Variants in PON3 observed in about 807,000 individuals in gnomAD.
PON3 encodes the protein serum paraoxonase/lactonase 3.
Under a neutral mutation model 36.3 loss-of-function variants are expected in PON3, and 37 were observed. That is an observed-to-expected ratio of 1.02 (90% confidence interval 0.78 to 1.34). The LOEUF is 1.34. Ranked by LOEUF, PON3 falls within the 40% of genes most tolerant of loss-of-function variation. The probability of loss-of-function intolerance (pLI) is 0.00; values close to 1 mark genes in which losing one functional copy is unlikely to be tolerated. For missense variants in PON3, 415 were observed against 426.5 expected, an observed-to-expected ratio of 0.97 and a Z score of 0.24; for synonymous variants, 155 against 154.8, an observed-to-expected ratio of 1.00 and a Z score of -0.01.
At position 95,389,405 on chromosome 7, in the gene PON3, TAG is replaced by T. The variant is rs542729930; in HGVS notation, c.201+747_201+748del. 5.9e-5 allele frequency among the ~76,000 whole-genome samples: 9 copies of T among 152,328 alleles called. No individual in the cohort carries two copies. The South Asian group carries it at 1.9e-3, about 32-fold the overall frequency. ...TATTTTATTGCCCCAAATGGAATAT[TAG>T]ACATCCAATTCCAGCAATCAGAATT... On this transcript the variant is annotated intron_variant, in intron 3 of 8. Transcript: ENST00000265627.
chr7:95,395,465 TGGGAGCAA>T (rs1809408372), intron 1 of PON3, among the ~76,000 whole-genome samples: 1 of 152,204 alleles, frequency 6.6e-6, no homozygotes, highest in Non-Finnish European at 1.5e-5. Context: ...GTGGTTGCAC[TGGGAGCAA>T]ATGTAACAAT....
At chr7:95,376,652 A>AT (rs1808919134) in intron 3 of PON3, among the ~76,000 whole-genome samples, 1 of 152,296 alleles carries the variant, frequency 6.6e-6, no homozygotes, top group African/African-American at 2.4e-5. Flanking sequence ...TTAAAAAAAA[A>AT]AAAGAAAACA....
At position 95,367,590 on chromosome 7, in the gene PON3, A is replaced by G. The variant is rs556328217; in HGVS notation, c.368-102T>C. The G allele has an allele frequency of 3.8e-6, 5 of 1,303,828 alleles. 1 individual carries two copies. The African/African-American group carries it at 7.3e-5, about 19-fold the overall frequency. 80.8% of individuals were successfully genotyped at this position (1,303,828 alleles called of 1,614,324 possible). ...TCACTTCCAAAAGTTTTCTTCTTAC[A>G]TCTTGCATTTTACCCTCACAGTCTA... On this transcript the variant is annotated intron_variant, in intron 4 of 8. Transcript: ENST00000265627.
chr7:95,372,786 G>A (rs1808837927), intron 3 of PON3, among the ~76,000 whole-genome samples: 1 of 152,104 alleles, frequency 6.6e-6, no homozygotes, highest in African/African-American at 2.4e-5. Flanking sequence ...TAATTGTATT[G>A]TTCCCATTCC....
At position 95,375,668 on chromosome 7, in the gene PON3, G is replaced by T. The variant is rs17885651; in HGVS notation, c.202-3330C>A. On this transcript the variant is annotated intron_variant, in intron 3 of 8. Transcript: ENST00000265627. The stretch of plus-strand genomic sequence containing the variant: ...CAGAAATAAAATAATCTGATAGATA[G>T]ATAAGGGCAGGGCACTGCAAACAAG... Among the ~76,000 whole-genome samples, 228 of 152,348 alleles carry T rather than the reference G, an allele frequency of 1.5e-3. 1 individual carries two copies. The highest frequency in any genetic ancestry group is 6.8e-3 in the Middle Eastern group (2 of 294).
At chr7:95,363,515 G>C (rs538064278) in intron 6 of PON3, 246 of 327,518 alleles carry the variant, frequency 7.5e-4, no homozygotes, top group Non-Finnish European at 1.2e-3. Flanking sequence ...ACTGAACTTA[G>C]CATAAGTGGT....
rs1274805840 is a variant in PON3 at position 95,396,318 on chromosome 7, C to T, written c.33G>A (p.Gly11=). Residue 11 remains glycine, a synonymous_variant, in exon 1 of 9, where the codon GGG becomes GGA. Coordinates refer to ENST00000265627, the MANE Select transcript of PON3 (RefSeq NM_000940.3). The stretch of plus-strand genomic sequence containing the variant: ...TCTCCCCGACTAAGGACAGGCCGAC[C>T]CCCAGCAGGACCAGCGCCACGAGCT... MGKLVALVLL[G]VGLSLVGEMF... 1.9e-6 allele frequency: 3 copies of T among 1,613,930 alleles called. No individual in the cohort carries two copies. Among genetic ancestry groups the T allele is most frequent in the Non-Finnish European group, 2.5e-6 (3 of 1,179,992 alleles).
At chr7:95,396,095 C>T (rs1809425177) in intron 1 of PON3, 182 bp downstream of exon 1, 3 of 692,720 alleles carry the variant, frequency 4.3e-6, no homozygotes, top group South Asian at 3.3e-5. Context: ...TCTTTGGAAA[C>T]GCAAGTAGCT....
In PON3 at chr7:95,379,833, T is replaced by C. The variant is rs569160956; in HGVS notation, c.202-7495A>G. Among the ~76,000 whole-genome samples the C allele has an allele frequency of 2.3e-4, 35 of 152,262 alleles. No individual in the cohort carries two copies. The South Asian group carries it at 7.1e-3, about 31-fold the overall frequency. ...ACCTCTGCAGACTTAAATGTCCCTA[T>C]CTGACAGCTTTGAAGAGAGTAGTGG... is the stretch of plus-strand genomic sequence containing the variant. On this transcript the variant is annotated intron_variant, in intron 3 of 8. Transcript: ENST00000265627.
rs755819451 is a variant in PON3, at chr7:95,364,038, G to A, written c.520C>T (p.Pro174Ser). ...KSVNDIVVLG[P>S]EQFYATRDHY... ...TCTCTGGTGGCATAGAACTGTTCTG[G>A]TCCAAGAACCACAATGTCATTCACA... Residue 174 changes from proline (P) to serine (S), a missense_variant, in exon 6 of 9, where the codon CCA becomes TCA. Transcript: ENST00000265627. 4.3e-6 allele frequency: 7 copies of A among 1,613,628 alleles called. No homozygotes were observed. Among genetic ancestry groups the A allele is most frequent in the Non-Finnish European group, 5.9e-6 (7 of 1,179,762 alleles).
chr7:95,374,986 T>A (rs1326793285), intron 3 of PON3, among the ~76,000 whole-genome samples: 1 of 152,138 alleles, frequency 6.6e-6, no homozygotes. Flanking sequence ...TTTGTAACTC[T>A]GTAACTCTAG....
At chr7:95,366,726 T>C (rs1224058817) in intron 5 of PON3, among the ~76,000 whole-genome samples, 1 of 152,264 alleles carries the variant, frequency 6.6e-6, no homozygotes, top group Non-Finnish European at 1.5e-5. Context: ...TCTGGGTTTA[T>C]ACCCTGTTTC....
At chr7:95,380,734 C>T (rs577774898) in intron 3 of PON3, among the ~76,000 whole-genome samples, 12 of 152,264 alleles carry the variant, frequency 7.9e-5, no homozygotes, top group Admixed American at 2.6e-4. Context: ...GATTGGTGTA[C>T]CTGAAAGTGA....
intron 4 of PON3, 45 bp downstream of exon 4, chr7:95,372,128 C>T (rs1562771735): frequency 6.3e-7 from 1 of 1,578,548 alleles, no homozygotes. Context: ...TAAATGGTTT[C>T]TATTTCCCTC....
intron 2 of PON3, among the ~76,000 whole-genome samples, chr7:95,393,187 A>T (rs556323093): frequency 7.3e-4 from 111 of 152,358 alleles, no homozygotes; most frequent in Non-Finnish European, 1.3e-3. Context: ...GCAATAAAAT[A>T]GAAAATCATA....
chr7:95,370,912 T>G (rs1314991021), intron 4 of PON3, among the ~76,000 whole-genome samples: 1 of 152,192 alleles, frequency 6.6e-6, no homozygotes, highest in African/African-American at 2.4e-5. Flanking sequence ...TTCCAGAACA[T>G]TTTCATCACC....
intron 4 of PON3, among the ~76,000 whole-genome samples, chr7:95,368,799 A>T (rs1358639612): frequency 7.2e-6 from 1 of 138,888 alleles, no homozygotes; most frequent in East Asian, 2.4e-4. Context: ...TCTCAAAAAC[A>T]AAAACAAAAA....
chr7:95,382,818 T>C (rs1049788670), intron 3 of PON3, among the ~76,000 whole-genome samples: 10 of 152,056 alleles, frequency 6.6e-5, no homozygotes, highest in African/African-American at 2.2e-4. Context: ...TCCCAATCAA[T>C]AGAAAAAGAG....
chr7:95,393,565 T>G (rs1949472306), intron 2 of PON3, among the ~76,000 whole-genome samples: 1 of 152,154 alleles, frequency 6.6e-6, no homozygotes, highest in Non-Finnish European at 1.5e-5. Context: ...TAAGCAGGTG[T>G]GGCATTAACT....
Sources: gnomAD v4.1 joint callset for allele counts (sites outside exome capture counted in the v4.1 genomes callset) on GRCh38, gnomAD v4.1.1 for gene constraint, MANE v1.5 for transcripts, NCBI Gene and HGNC (gene_info 2026-07-23, HGNC 2026-07-21) for gene names.